Variants in MAP3K5 observed in about 807,000 individuals in gnomAD.
MAP3K5 encodes ASK-1.
A neutral mutation model predicts 158.7 loss-of-function variants in MAP3K5; 56 were observed. That is an observed-to-expected ratio of 0.35 (90% confidence interval 0.28 to 0.44). The LOEUF (loss-of-function observed/expected upper bound fraction) is 0.44, where lower values mean the gene tolerates loss of function less well. Among genes scored for constraint, MAP3K5 ranks in the 20% least tolerant of loss-of-function variants. The pLI, the probability that MAP3K5 is intolerant of heterozygous loss-of-function variation, is 1.00. For synonymous variants in MAP3K5, 579 were observed against 601.7 expected (o/e 0.96, Z 0.55); for missense variants, 1,294 against 1,674.8 (o/e 0.77, Z 3.97).
intron 10 of MAP3K5, 77 bp downstream of exon 10, chr6:136,656,230 C>T (rs538365463): frequency 5.2e-6 from 7 of 1,358,530 alleles, no homozygotes; most frequent in East Asian, 2.3e-5. Flanking sequence ...AATCAGCCCC[C>T]AAGCACTGAT....
Position 136,784,531 on chromosome 6 carries a change from T to A in MAP3K5, c.448+7179A>T, listed in dbSNP as rs143939099. ...GTGTTGGACACCACTGGGATTTTTT[T>A]AAAAAATCCTTCCCTAACTAGAGTT... On this transcript the variant is annotated intron_variant, in intron 1 of 29. Coordinates refer to ENST00000359015, the MANE Select transcript of MAP3K5 (RefSeq NM_005923.4). Among the ~76,000 whole-genome samples, 888 of 152,202 alleles carry A rather than the reference T, an allele frequency of 5.8e-3. 5 individuals are homozygous for A. The highest frequency in any genetic ancestry group is 0.02 in the African/African-American group (815 of 41,502).
intron 1 of MAP3K5, among the ~76,000 whole-genome samples, chr6:136,726,173 A>C (rs901259633): frequency 2.0e-5 from 3 of 152,186 alleles, no homozygotes; most frequent in African/African-American, 7.2e-5. Context: ...TTCCTACGTA[A>C]ATTTGAGAAT....
intron 1 of MAP3K5, among the ~76,000 whole-genome samples, chr6:136,731,072 C>T (rs1782204121): frequency 6.6e-6 from 1 of 152,166 alleles, no homozygotes; most frequent in Non-Finnish European, 1.5e-5. Flanking sequence ...AAGGACTAGG[C>T]ACCGTGTGAT....
intron 1 of MAP3K5, among the ~76,000 whole-genome samples, chr6:136,756,221 G>A (rs1783474069): frequency 1.3e-5 from 2 of 151,898 alleles, no homozygotes; most frequent in African/African-American, 4.8e-5. Flanking sequence ...GAGAGACTGA[G>A]GTGAGAGGAT....
chr6:136,745,641 G>T (rs1156493078), intron 1 of MAP3K5, among the ~76,000 whole-genome samples: 1 of 152,106 alleles, frequency 6.6e-6, no homozygotes, highest in East Asian at 1.9e-4. Flanking sequence ...AAAATTCCTT[G>T]TGCCGCTGCC....
chr6:136,724,791 G>T (rs1781896703), intron 1 of MAP3K5, among the ~76,000 whole-genome samples: 1 of 151,966 alleles, frequency 6.6e-6, no homozygotes, highest in Non-Finnish European at 1.5e-5. Flanking sequence ...CTTTTTAATT[G>T]TCATAGAGCA....
chr6:136,572,472 G>T (rs1391195959), intron 25 of MAP3K5, among the ~76,000 whole-genome samples: 1 of 152,134 alleles, frequency 6.6e-6, no homozygotes, highest in African/African-American at 2.4e-5. Context: ...GGTCAGGCTG[G>T]TCTCAAACTC....
chr6:136,782,702 T>A (rs1784668357), intron 1 of MAP3K5, among the ~76,000 whole-genome samples: 1 of 152,246 alleles, frequency 6.6e-6, no homozygotes, highest in South Asian at 2.1e-4. Context: ...GTTATACAGA[T>A]CTGCTCTACT....
chr6:136,718,928 C>T (rs1437180073), intron 2 of MAP3K5, among the ~76,000 whole-genome samples: 1 of 152,134 alleles, frequency 6.6e-6, no homozygotes, highest in Non-Finnish European at 1.5e-5. Flanking sequence ...ATAATCCCAA[C>T]CCTTTGGGAG....
At chr6:136,637,163 G>T in intron 14 of MAP3K5, 162 bp downstream of exon 14, 1 of 1,362,218 alleles carries the variant, frequency 7.3e-7, no homozygotes, top group Non-Finnish European at 9.7e-7. Context: ...TTACTTTTTA[G>T]CCCCTTTTTA....
At chr6:136,717,753 G>T (rs575884902) in intron 2 of MAP3K5, among the ~76,000 whole-genome samples, 54 of 152,256 alleles carry the variant, frequency 3.5e-4, no homozygotes, top group African/African-American at 1.3e-3. Context: ...AGGACCTGAG[G>T]AACTTTCAGG....
chr6:136,684,930 TG>T (rs1780084212), intron 7 of MAP3K5, among the ~76,000 whole-genome samples: 1 of 152,188 alleles, frequency 6.6e-6, no homozygotes, highest in Non-Finnish European at 1.5e-5. Context: ...TAAATTAGGA[TG>T]TATTCATTCA....
intron 8 of MAP3K5, among the ~76,000 whole-genome samples, chr6:136,660,318 G>A (rs762388517): frequency 2.0e-5 from 3 of 152,078 alleles, no homozygotes; most frequent in Admixed American, 6.5e-5. Context: ...TCGGAGGGCC[G>A]AGGTGGGAGG....
intron 11 of MAP3K5, among the ~76,000 whole-genome samples, chr6:136,645,027 C>A (rs1404178020): frequency 6.6e-6 from 1 of 152,140 alleles, no homozygotes; most frequent in African/African-American, 2.4e-5. Flanking sequence ...CTCCTAGGCT[C>A]AAGCAATCCT....
At chr6:136,596,556 G>A (rs1775640740) in intron 21 of MAP3K5, among the ~76,000 whole-genome samples, 1 of 152,136 alleles carries the variant, frequency 6.6e-6, no homozygotes, top group African/African-American at 2.4e-5. Context: ...GACGGGTTTA[G>A]GACAAAAGAC....
intron 23 of MAP3K5, 140 bp from the exon 24 acceptor site, chr6:136,583,880 C>T: frequency 2.9e-6 from 2 of 693,436 alleles, no homozygotes; most frequent in Non-Finnish European, 4.6e-6. Context: ...CCAGGCTGGT[C>T]TCGAACTCCT....
intron 1 of MAP3K5, among the ~76,000 whole-genome samples, chr6:136,721,872 A>G (rs542328812): frequency 2.2e-4 from 34 of 152,306 alleles, no homozygotes; most frequent in African/African-American, 7.9e-4. Context: ...TAAAAATTTT[A>G]AATTAAAAAA....
Position 136,774,231 on chromosome 6 carries a change from A to T in MAP3K5, c.448+17479T>A, listed in dbSNP as rs75016162. On this transcript the variant is annotated intron_variant, in intron 1 of 29. Transcript: ENST00000359015. Reference sequence around the variant, plus strand: ...TGTGCTCTCAAAGAACCTTACATAAACCTCTAGTATAACAATTAGCACCAG... The same window carrying T: ...TGTGCTCTCAAAGAACCTTACATAATCCTCTAGTATAACAATTAGCACCAG... Among the ~76,000 whole-genome samples, 851 of 152,080 alleles carry T rather than the reference A, an allele frequency of 5.6e-3. 6 individuals are homozygous for T. Among genetic ancestry groups the T allele is most frequent in the African/African-American group, 0.02 (810 of 41,472 alleles).
chr6:136,667,461 T>C (rs1562594909), intron 8 of MAP3K5, among the ~76,000 whole-genome samples: 1 of 152,134 alleles, frequency 6.6e-6, no homozygotes, highest in Non-Finnish European at 1.5e-5. Context: ...GGCTCACACC[T>C]GCAATCCTAG....
Sources: allele counts gnomAD v4.1 joint callset (sites outside exome capture counted in the v4.1 genomes callset), GRCh38; gene constraint gnomAD v4.1.1; transcripts MANE v1.5; gene names NCBI Gene and HGNC (gene_info 2026-07-23, HGNC 2026-07-21).